PCDHGA4: variants seen among roughly 807,000 people sequenced by gnomAD.
PCDHGA4 encodes protocadherin gamma-A4.
PCDHGA4 carries 38 observed loss-of-function variants against 54.6 expected under a neutral mutation model. The observed-to-expected ratio is 0.70, with a 90% confidence interval of 0.54 to 0.91. The LOEUF (loss-of-function observed/expected upper bound fraction) is 0.91. Among genes scored for constraint, PCDHGA4 ranks in the 40% least tolerant of loss-of-function variants. The pLI is 0.00. For synonymous variants in PCDHGA4, 511 were observed against 512.9 expected, an observed-to-expected ratio of 1.00 and a Z score of 0.05; for missense variants, 1,298 against 1,220.9, an observed-to-expected ratio of 1.06 and a Z score of -0.94.
At position 141,508,670 on chromosome 5, in the gene PCDHGA4, C is replaced by A. The variant is rs184838473; in HGVS notation, c.2663-2277C>A. The stretch of plus-strand genomic sequence containing the variant: ...GGCCCTTCCTGTCATTCTGTCTCTG[C>A]CTCCCTTCTCCCTGCTTCTCCGTGT... On this transcript the variant is annotated intron_variant, in intron 3 of 3. Coordinates refer to ENST00000571252, the MANE Select transcript of PCDHGA4 (RefSeq NM_018917.4). Among the ~76,000 whole-genome samples the A allele has an allele frequency of 3.7e-3, 564 of 152,202 alleles. 5 individuals are homozygous for A. The highest frequency in any genetic ancestry group is 0.011 in the Admixed American group (164 of 15,294).
At chr5:141,422,111 T>A (rs763658255) in intron 1 of PCDHGA4, 1 of 1,606,408 alleles carries the variant, frequency 6.2e-7, no homozygotes, top group Admixed American at 1.7e-5. Context: ...ATATTCCAAT[T>A]GGATTCACAA....
At position 141,485,320 on chromosome 5, in the gene PCDHGA4, T is replaced by G; in HGVS notation, c.2515-9487T>G. The G allele has an allele frequency of 6.2e-7, 1 of 1,614,114 alleles. No individual in the cohort carries two copies. The highest frequency in any genetic ancestry group is 8.5e-7 in the Non-Finnish European group (1 of 1,180,018). ...AAGGGACTTTTGTAGGGAATGTCGC[T>G]CAAGATTTCCTGCTGGATACGGACA... is the stretch of plus-strand genomic sequence containing the variant. On this transcript the variant is annotated intron_variant, in intron 1 of 3. Transcript: ENST00000571252. The surrounding 1 kb of genome is among the most constrained non-coding windows in gnomAD (Gnocchi z 5.7).
At chr5:141,419,663 G>A in intron 1 of PCDHGA4, 1 of 1,612,826 alleles carries the variant, frequency 6.2e-7, no homozygotes, top group Non-Finnish European at 8.5e-7. Flanking sequence ...GGGGCACAAT[G>A]CCTGGCTGTC....
At position 141,486,478 on chromosome 5, in the gene PCDHGA4, C is replaced by T; in HGVS notation, c.2515-8329C>T. The T allele has an allele frequency of 2.5e-6, 4 of 1,614,026 alleles. No homozygotes were observed. The highest frequency in any genetic ancestry group is 3.4e-6 in the Non-Finnish European group (4 of 1,179,854). On this transcript the variant is annotated intron_variant, in intron 1 of 3. Transcript: ENST00000571252. The surrounding 1 kb of genome is among the most constrained non-coding windows in gnomAD (Gnocchi z 5.0). ...CTTCTGATGCTGGGAACCCTCCTCT[C>T]AGTACCCACAGAACTATTTTCCTCA...
chr5:141,388,004 A>G, intron 1 of PCDHGA4: 1 of 1,482,610 alleles, frequency 6.7e-7, no homozygotes, highest in Non-Finnish European at 9.1e-7. Context: ...TTCCCGAGGA[A>G]ATGCCCAAGG....
At chr5:141,401,059 G>T (rs1418485253) in intron 1 of PCDHGA4, among the ~76,000 whole-genome samples, 2 of 152,082 alleles carry the variant, frequency 1.3e-5, no homozygotes, top group Non-Finnish European at 2.9e-5. Flanking sequence ...AATACTATAT[G>T]TTGGCTGGGT....
At chr5:141,405,436 T>C (rs2094666141) in intron 1 of PCDHGA4, 1 of 1,458,154 alleles carries the variant, frequency 6.9e-7, no homozygotes. Flanking sequence ...TGTTTTGTTT[T>C]TGAGACAGAG....
At chr5:141,423,836 GATA>G (rs752488755) in intron 1 of PCDHGA4, 23 of 1,275,246 alleles carry the variant, frequency 1.8e-5, no homozygotes, top group Non-Finnish European at 2.1e-5. Context: ...ATGAGATTAC[GATA>G]ATCTTTCAGA....
At chr5:141,481,216 G>T (rs2099534005) in intron 1 of PCDHGA4, among the ~76,000 whole-genome samples, 3 of 152,110 alleles carry the variant, frequency 2.0e-5, no homozygotes, top group Admixed American at 6.5e-5. Flanking sequence ...ACATGGTAAG[G>T]TCTCCCAGCC....
intron 1 of PCDHGA4, chr5:141,427,495 C>T: frequency 1.8e-6 from 1 of 562,648 alleles, no homozygotes; most frequent in South Asian, 1.5e-5. Flanking sequence ...AAGCTTGTAA[C>T]AGATGGGACC....
intron 1 of PCDHGA4, chr5:141,395,380 T>C (rs1219736482): frequency 9.0e-7 from 1 of 1,112,054 alleles, no homozygotes; most frequent in African/African-American, 1.6e-5. Context: ...GTGGTGTTAC[T>C]ATAAAATTGA....
intron 1 of PCDHGA4, chr5:141,409,297 T>G (rs762820320): frequency 1.9e-6 from 3 of 1,614,006 alleles, no homozygotes; most frequent in South Asian, 2.2e-5. Context: ...CAGGAATGGT[T>G]GTTGCCCTCT....
intron 1 of PCDHGA4, chr5:141,417,503 T>G (rs1171198405): frequency 8.7e-6 from 2 of 229,844 alleles, no homozygotes; most frequent in East Asian, 1.9e-4. Context: ...GGAAAAAGAT[T>G]AAAATATTTT....
In PCDHGA4 at chr5:141,475,307, T is replaced by C. The variant is rs527879991; in HGVS notation, c.2515-19500T>C. The stretch of plus-strand genomic sequence containing the variant: ...GGTAGGGAAATTTCTTATTGCTCCC[T>C]GGTTCTTAAGAAATGAGAGCTAACA... On this transcript the variant is annotated intron_variant, in intron 1 of 3. Transcript: ENST00000571252. 2.8e-4 allele frequency among the ~76,000 whole-genome samples: 43 copies of C among 152,348 alleles called. 1 individual carries two copies. Among genetic ancestry groups the C allele is most frequent in the Admixed American group, 8.5e-4 (13 of 15,298 alleles).
chr5:141,394,633 G>T, intron 1 of PCDHGA4: 2 of 1,613,390 alleles, frequency 1.2e-6, no homozygotes, highest in Non-Finnish European at 1.7e-6. Context: ...CTGTCCTACC[G>T]CCTGCTCAAG....
rs775643473 is a variant in PCDHGA4 at position 141,355,907 on chromosome 5, A to G, written c.800A>G (p.Asn267Ser). ...ARILIILVDTNDNAPVFTQPE... is the reference protein window; with the variant it reads ...ARILIILVDTSDNAPVFTQPE... ...ATTCTCATAATACTTGTGGATACCA[A>G]CGATAATGCTCCCGTGTTCACTCAG... The change falls in exon 1 of 4, where the codon AAC becomes AGC. Residue 267 changes from asparagine (N) to serine (S), a missense_variant. Physicochemically the swap from Asn to Ser is conservative, Grantham distance 46. Coordinates refer to ENST00000571252, the MANE Select transcript of PCDHGA4 (RefSeq NM_018917.4). 3.1e-6 allele frequency: 5 copies of G among 1,613,664 alleles called. No individual in the cohort carries two copies. The African/African-American group carries it at 4.0e-5, about 13-fold the overall frequency.
rs750310317 is a variant in PCDHGA4 at position 141,385,220 on chromosome 5, A to G, written c.2514+27599A>G. 8 of 1,614,172 alleles carry G rather than the reference A, an allele frequency of 5.0e-6. No homozygotes were observed. The South Asian group carries it at 7.7e-5, about 16-fold the overall frequency. ...AGTCACCTGATCTTCCCCCAGCCCA[A>G]CTATGTAGACATGCTCATCAGCCAG... On this transcript the variant is annotated intron_variant, in intron 1 of 3. Transcript: ENST00000571252.
chr5:141,413,636 T>G, intron 1 of PCDHGA4: 2 of 1,613,876 alleles, frequency 1.2e-6, no homozygotes, highest in South Asian at 2.2e-5. Context: ...GCTGCGGGAA[T>G]GCGTTTTCCT....
At chr5:141,373,416 G>A (rs1162363989) in intron 1 of PCDHGA4, among the ~76,000 whole-genome samples, 3 of 152,182 alleles carry the variant, frequency 2.0e-5, no homozygotes, top group Non-Finnish European at 4.4e-5. Context: ...CCAGCTACTC[G>A]GGAGGCTGAG....
Sources: allele counts gnomAD v4.1 joint callset (sites outside exome capture counted in the v4.1 genomes callset), GRCh38; gene constraint gnomAD v4.1.1; non-coding constraint Gnocchi (gnomAD v3.1); transcripts MANE v1.5; gene names NCBI Gene and HGNC (gene_info 2026-07-23, HGNC 2026-07-21).